MYT1L: variants seen among roughly 807,000 people sequenced by gnomAD.
MYT1L encodes the protein myelin transcription factor 1 like, also known as myelin transcription factor 1-like protein.
MYT1L carries 12 observed loss-of-function variants against 126.7 expected under a neutral mutation model. The observed-to-expected ratio is 0.09, with a 90% CI of 0.06 to 0.15. The LOEUF (loss-of-function observed/expected upper bound fraction) is 0.15, where lower values mean the gene tolerates loss of function less well. Among genes scored for constraint, MYT1L ranks in the 10% least tolerant of loss-of-function variants. The pLI is 1.00. For missense variants in MYT1L, 979 were observed against 1,585.2 expected (o/e 0.62, Z 6.49); for synonymous variants, 541 against 604.2 (o/e 0.90, Z 1.53).
intron 21 of MYT1L, among the ~76,000 whole-genome samples, chr2:1,821,406 T>C (rs921868723): frequency 2.6e-5 from 4 of 152,168 alleles, no homozygotes; most frequent in Non-Finnish European, 5.9e-5. Flanking sequence ...AAAGTAAACT[T>C]TTTATTTATT....
chr2:2,248,587 C>T (rs2094578016), intron 2 of MYT1L, among the ~76,000 whole-genome samples: 1 of 152,052 alleles, frequency 6.6e-6, no homozygotes, highest in South Asian at 2.1e-4. Context: ...AAAATACAGG[C>T]CAATATGTCT....
intron 3 of MYT1L, among the ~76,000 whole-genome samples, chr2:2,109,900 T>A (rs1379110477): frequency 8.3e-6 from 1 of 121,012 alleles, no homozygotes; most frequent in South Asian, 2.9e-4. Context: ...TATATATATA[T>A]ATATATATAT....
intron 21 of MYT1L, among the ~76,000 whole-genome samples, chr2:1,833,623 A>C (rs866904543): frequency 1.4e-4 from 21 of 152,254 alleles, no homozygotes; most frequent in African/African-American, 4.8e-4. Flanking sequence ...TGAGGGTCTC[A>C]TGATAGCTGC....
chr2:2,113,853 C>T (rs1471686037), intron 3 of MYT1L, among the ~76,000 whole-genome samples: 1 of 151,914 alleles, frequency 6.6e-6, no homozygotes, highest in Non-Finnish European at 1.5e-5. Flanking sequence ...TTACTGCCTC[C>T]ATTACACAGA....
chr2:1,891,147 T>G (rs2048824891), intron 15 of MYT1L, among the ~76,000 whole-genome samples: 1 of 152,184 alleles, frequency 6.6e-6, no homozygotes, highest in Non-Finnish European at 1.5e-5. Flanking sequence ...AAAAAACATT[T>G]GCAAAACGTA....
At chr2:2,285,137 G>A (rs942161470) in intron 1 of MYT1L, among the ~76,000 whole-genome samples, 7 of 152,228 alleles carry the variant, frequency 4.6e-5, no homozygotes, top group African/African-American at 7.2e-5. Context: ...CTTCTAACCC[G>A]GGGAGATGAG....
Position 1,922,884 on chromosome 2 carries a change from T to C in MYT1L, c.885A>G (p.Arg295=). ...YADSMSQQDS[R]NMNYVMLGKP... ...TCCCCAACATGACGTAATTCATATT[T>C]CTACTGTCTTGCTGCGACATGCTGT... Residue 295 remains arginine (R), a synonymous_variant, in exon 10 of 25, where the codon AGA becomes AGG. Transcript: ENST00000647738. This position sits in a 1 kb window ranked among gnomAD's most constrained non-coding sequence, Gnocchi z 7.4. The C allele has an allele frequency of 1.9e-6, 3 of 1,614,062 alleles. No individual in the cohort carries two copies. Among genetic ancestry groups the C allele is most frequent in the Admixed American group, 1.7e-5 (1 of 60,028 alleles).
intron 5 of MYT1L, among the ~76,000 whole-genome samples, chr2:1,983,874 C>T (rs1190496074): frequency 2.6e-5 from 4 of 152,202 alleles, no homozygotes; most frequent in African/African-American, 9.7e-5. Flanking sequence ...TTTCTGATTA[C>T]CTCTCCAGTA....
intron 14 of MYT1L, among the ~76,000 whole-genome samples, chr2:1,892,878 T>C (rs975442518): frequency 7.9e-5 from 12 of 152,236 alleles, no homozygotes; most frequent in Non-Finnish European, 1.6e-4. Flanking sequence ...TGGCTGGGCA[T>C]GCAGACCAGA....
At chr2:1,984,504 A>G (rs2060852772) in intron 5 of MYT1L, among the ~76,000 whole-genome samples, 2 of 128,784 alleles carry the variant, frequency 1.6e-5, no homozygotes, top group African/African-American at 7.0e-5. Context: ...GCCAAGAACT[A>G]ATTTTTTTTT....
At chr2:1,990,860 C>T (rs935231737) in intron 5 of MYT1L, among the ~76,000 whole-genome samples, 10 of 152,170 alleles carry the variant, frequency 6.6e-5, no homozygotes, top group South Asian at 2.1e-4. Flanking sequence ...GCAAGGCTGG[C>T]GCATGCCCTG....
chr2:2,022,564 T>C (rs568073734), intron 4 of MYT1L, among the ~76,000 whole-genome samples: 10 of 152,276 alleles, frequency 6.6e-5, no homozygotes, highest in African/African-American at 2.4e-4. Flanking sequence ...TCTGGAAGTA[T>C]GCCAACAGAT....
chr2:1,987,987 C>G (rs181103236), intron 5 of MYT1L, among the ~76,000 whole-genome samples: 1 of 152,370 alleles, frequency 6.6e-6, no homozygotes, highest in East Asian at 1.9e-4. Context: ...CGTTTCATCT[C>G]TGCTCTTGGA....
chr2:1,904,471 C>T (rs1465205667), intron 13 of MYT1L, among the ~76,000 whole-genome samples: 3 of 152,104 alleles, frequency 2.0e-5, no homozygotes, highest in African/African-American at 7.2e-5. Flanking sequence ...TGGGTTCAAG[C>T]GATTCTCCTG....
At chr2:2,299,931 A>G (rs2095757531) in intron 1 of MYT1L, among the ~76,000 whole-genome samples, 1 of 152,198 alleles carries the variant, frequency 6.6e-6, no homozygotes, top group Non-Finnish European at 1.5e-5. Flanking sequence ...AATTAACTTT[A>G]AAGCAAAGGG....
intron 15 of MYT1L, among the ~76,000 whole-genome samples, chr2:1,890,067 C>T (rs2048656277): frequency 8.8e-6 from 1 of 114,172 alleles, no homozygotes; most frequent in South Asian, 2.7e-4. Flanking sequence ...CCTTGTAATA[C>T]AATTTTTTTT....
intron 3 of MYT1L, among the ~76,000 whole-genome samples, chr2:2,162,698 C>T (rs1272144910): frequency 6.6e-6 from 1 of 152,212 alleles, no homozygotes; most frequent in Non-Finnish European, 1.5e-5. Context: ...AGGGGCTGCC[C>T]AGCTGGCATT....
chr2:1,813,997 A>T (rs2037198497), intron 21 of MYT1L, among the ~76,000 whole-genome samples: 1 of 139,262 alleles, frequency 7.2e-6, no homozygotes, highest in Non-Finnish European at 1.6e-5. Flanking sequence ...ACTGCACTCC[A>T]GCCTGGGCGA....
chr2:1,866,237 C>G (rs2148662679), intron 18 of MYT1L, among the ~76,000 whole-genome samples: 1 of 152,248 alleles, frequency 6.6e-6, no homozygotes, highest in African/African-American at 2.4e-5. Flanking sequence ...TCACTTAAAA[C>G]AGAGGTCAGA....
Sources: gnomAD v4.1 joint callset for allele counts (sites outside exome capture counted in the v4.1 genomes callset) on GRCh38, gnomAD v4.1.1 for gene constraint, Gnocchi (gnomAD v3.1) non-coding constraint, MANE v1.5 for transcripts, NCBI Gene and HGNC (gene_info 2026-07-23, HGNC 2026-07-21) for gene names.